Variants in TMEM178B observed in about 807,000 individuals in gnomAD.
TMEM178B encodes transmembrane protein 178B.
Under a neutral mutation model 31.0 loss-of-function variants are expected in TMEM178B, and 5 were observed. The observed-to-expected ratio is 0.16, with a 90% CI of 0.08 to 0.34. TMEM178B has a LOEUF of 0.34. Ranked by LOEUF, TMEM178B falls within the 10% of genes least tolerant of loss-of-function variation. The pLI, the probability that TMEM178B is intolerant of heterozygous loss-of-function variation, is 1.00. For missense variants in TMEM178B, 275 were observed against 400.3 expected, an observed-to-expected ratio of 0.69 and a Z score of 2.67; for synonymous variants, 164 against 164.0, an observed-to-expected ratio of 1.00 and a Z score of 0.00.
At chr7:141,448,409 C>G (rs1181766) in intron 3 of TMEM178B, among the ~76,000 whole-genome samples, 114,717 of 152,040 alleles carry the variant, frequency 0.75, 43,436 homozygotes, top group Middle Eastern at 0.82. Flanking sequence ...GGACTGGTGG[C>G]AACAGCAAGG....
intron 2 of TMEM178B, among the ~76,000 whole-genome samples, chr7:141,360,068 T>G (rs942866173): frequency 6.6e-6 from 1 of 152,118 alleles, no homozygotes; most frequent in Non-Finnish European, 1.5e-5. Flanking sequence ...GAGCTACAAT[T>G]CAAGATGAGA....
chr7:141,298,929 C>T lies in TMEM178B; in HGVS notation c.496+86225C>T, dbSNP rs141474725. Among the ~76,000 whole-genome samples, 915 of 152,296 alleles carry T rather than the reference C, an allele frequency of 6.0e-3. 13 individuals are homozygous for T. The highest frequency in any genetic ancestry group is 0.021 in the African/African-American group (862 of 41,558). The stretch of plus-strand genomic sequence containing the variant: ...CCAGGACTTTGACCCCTACTCCAGC[C>T]TTCTCCCAGCCCTATTTTGCTTGCA... On this transcript the variant is annotated intron_variant, in intron 2 of 3. Transcript: ENST00000565468.
intron 2 of TMEM178B, among the ~76,000 whole-genome samples, chr7:141,314,991 C>T (rs1053706868): frequency 1.3e-5 from 2 of 152,204 alleles, no homozygotes; most frequent in African/African-American, 4.8e-5. Flanking sequence ...TGATCAAATC[C>T]TTCTCCATCC....
chr7:141,091,622 A>G (rs1414492533), intron 1 of TMEM178B, among the ~76,000 whole-genome samples: 4 of 152,190 alleles, frequency 2.6e-5, no homozygotes, highest in Non-Finnish European at 5.9e-5. Context: ...GATTGTCTCC[A>G]GGTAGTGAAG....
intron 2 of TMEM178B, among the ~76,000 whole-genome samples, chr7:141,258,345 A>C (rs1035254423): frequency 1.3e-5 from 2 of 152,194 alleles, no homozygotes; most frequent in African/African-American, 4.8e-5. Flanking sequence ...TGAGTTAAAA[A>C]AAATCGCAAA....
chr7:141,438,282 G>C (rs1323417263), intron 3 of TMEM178B, among the ~76,000 whole-genome samples: 1 of 151,958 alleles, frequency 6.6e-6, no homozygotes, highest in Non-Finnish European at 1.5e-5. Context: ...TTATTTTACC[G>C]TCATGTGCAT....
chr7:141,179,170 T>C (rs553867166), intron 1 of TMEM178B, among the ~76,000 whole-genome samples: 11 of 152,348 alleles, frequency 7.2e-5, no homozygotes, highest in Non-Finnish European at 8.8e-5. Context: ...GGTCTAGATG[T>C]ACTTGCTAGA....
intron 2 of TMEM178B, among the ~76,000 whole-genome samples, chr7:141,320,855 G>T (rs1208417442): frequency 6.6e-6 from 1 of 152,144 alleles, no homozygotes; most frequent in Non-Finnish European, 1.5e-5. Context: ...ATTCAGACCT[G>T]GGTTATCTGA....
intron 2 of TMEM178B, among the ~76,000 whole-genome samples, chr7:141,316,084 A>G (rs1799000791): frequency 6.6e-6 from 1 of 152,100 alleles, no homozygotes; most frequent in Non-Finnish European, 1.5e-5. Context: ...GCCAGTGGTC[A>G]TATGTTTGAA....
chr7:141,178,443 C>T (rs1796467508), intron 1 of TMEM178B, among the ~76,000 whole-genome samples: 1 of 152,148 alleles, frequency 6.6e-6, no homozygotes, highest in Non-Finnish European at 1.5e-5. Flanking sequence ...CTTCTATAAT[C>T]ATTGACATAT....
chr7:141,508,609 A>T, the TMEM178B span, among the ~76,000 whole-genome samples: 1 of 152,216 alleles, frequency 6.6e-6, no homozygotes, highest in East Asian at 1.9e-4. Context: ...AATTGGACTT[A>T]CAGTTCCACA....
chr7:141,397,776 TATA>T (rs1800683070), intron 2 of TMEM178B, among the ~76,000 whole-genome samples: 1 of 152,248 alleles, frequency 6.6e-6, no homozygotes, highest in Non-Finnish European at 1.5e-5. Context: ...CATAGGAAGC[TATA>T]TTCCAATTCC....
intron 1 of TMEM178B, among the ~76,000 whole-genome samples, chr7:141,110,621 T>C (rs1242950421): frequency 6.6e-6 from 1 of 152,198 alleles, no homozygotes; most frequent in African/African-American, 2.4e-5. Context: ...GCCTGGCACA[T>C]AGGAGAGCAG....
chr7:141,418,949 C>A (rs986723586), intron 2 of TMEM178B, among the ~76,000 whole-genome samples: 4 of 152,026 alleles, frequency 2.6e-5, no homozygotes, highest in Admixed American at 2.6e-4. Flanking sequence ...ACTCTGTTGC[C>A]TAGGCTGGAG....
At chr7:141,198,576 C>T (rs1028271543) in intron 1 of TMEM178B, among the ~76,000 whole-genome samples, 1 of 152,166 alleles carries the variant, frequency 6.6e-6, no homozygotes, top group Non-Finnish European at 1.5e-5. Context: ...GCTGGGGATT[C>T]TTATCAAAAG....
downstream of TMEM178B, among the ~76,000 whole-genome samples, chr7:141,484,949 A>T (rs1252338828): frequency 1.3e-5 from 2 of 152,204 alleles, no homozygotes; most frequent in African/African-American, 2.4e-5. The surrounding 1 kb of genome is among the most constrained non-coding windows in gnomAD (Gnocchi z 4.8). Context: ...GCCACACCAG[A>T]AAAAGCATCA....
chr7:141,392,702 C>A (rs541129795), intron 2 of TMEM178B, among the ~76,000 whole-genome samples: 1 of 151,980 alleles, frequency 6.6e-6, no homozygotes, highest in Non-Finnish European at 1.5e-5. Flanking sequence ...ACATGGCAGG[C>A]CTTTGACTCT....
In TMEM178B at chr7:141,285,597, T is replaced by A. The variant is rs139231380; in HGVS notation, c.496+72893T>A. On this transcript the variant is annotated intron_variant, in intron 2 of 3. Coordinates refer to ENST00000565468, the MANE Select transcript of TMEM178B (RefSeq NM_001195278.2). ...GACCCAGCAATCCTATTACTGGGTATATACCCAAAGGATTATAAATCATTC... is the reference window on the plus strand; with the variant it reads ...GACCCAGCAATCCTATTACTGGGTAAATACCCAAAGGATTATAAATCATTC... Among the ~76,000 whole-genome samples the A allele has an allele frequency of 5.9e-3, 894 of 152,276 alleles. 3 individuals are homozygous for A. Among genetic ancestry groups the A allele is most frequent in the Non-Finnish European group, 9.4e-3 (638 of 68,028 alleles).
chr7:141,162,205 C>T (rs1191455277), intron 1 of TMEM178B, among the ~76,000 whole-genome samples: 3 of 152,216 alleles, frequency 2.0e-5, no homozygotes, highest in South Asian at 2.1e-4. Flanking sequence ...TGACGCGTGA[C>T]GCCTTGCGCC....
Sources: allele counts gnomAD v4.1 joint callset (sites outside exome capture counted in the v4.1 genomes callset), GRCh38; gene constraint gnomAD v4.1.1; non-coding constraint Gnocchi (gnomAD v3.1); transcripts MANE v1.5; gene names NCBI Gene and HGNC (gene_info 2026-07-23, HGNC 2026-07-21).